Variants in SNX30 observed in about 807,000 individuals in gnomAD.
The protein encoded by SNX30 is sorting nexin family member 30, also known as sorting nexin-30.
A neutral mutation model predicts 46.4 loss-of-function variants in SNX30; 24 were observed. The observed-to-expected ratio is 0.52, with a 90% CI of 0.37 to 0.73. The LOEUF is 0.73. Among genes scored for constraint, SNX30 ranks in the 30% least tolerant of loss-of-function variants. SNX30 has a pLI of 0.00. For missense variants in SNX30, 533 were observed against 555.7 expected (o/e 0.96, Z 0.41); for synonymous variants, 189 against 211.5 (o/e 0.89, Z 0.92).
downstream of SNX30, chr9:112,879,596 C>A: frequency 1.7e-6 from 1 of 594,156 alleles, no homozygotes; most frequent in Non-Finnish European, 3.0e-6. Context: ...TTTCCCCATC[C>A]ACCAGGGATC....
chr9:112,783,766 A>G (rs1368637050), intron 1 of SNX30, among the ~76,000 whole-genome samples: 1 of 152,184 alleles, frequency 6.6e-6, no homozygotes, highest in Non-Finnish European at 1.5e-5. Context: ...AAGATTCCCC[A>G]TGTCAGTTTC....
intron 1 of SNX30, among the ~76,000 whole-genome samples, chr9:112,759,303 C>T (rs993768804): frequency 6.6e-6 from 1 of 152,170 alleles, no homozygotes; most frequent in Non-Finnish European, 1.5e-5. Context: ...CTTCAGGGTC[C>T]TCAGTGATCT....
chr9:112,865,756 T>C (rs1323334529), intron 8 of SNX30, among the ~76,000 whole-genome samples: 2 of 146,784 alleles, frequency 1.4e-5, no homozygotes, highest in Non-Finnish European at 3.0e-5. Context: ...TGTGTGTGTG[T>C]GTGTATGTAT....
intron 3 of SNX30, among the ~76,000 whole-genome samples, chr9:112,825,060 G>T (rs1487775773): frequency 6.6e-6 from 1 of 152,198 alleles, no homozygotes. Flanking sequence ...GGTTGTCTAA[G>T]ATTTTGTTTG....
intron 1 of SNX30, among the ~76,000 whole-genome samples, chr9:112,804,357 G>C (rs573724994): frequency 4.8e-4 from 73 of 152,294 alleles, no homozygotes; most frequent in Non-Finnish European, 9.0e-4. Flanking sequence ...TAGAGACGGG[G>C]TTTCACCATG....
At chr9:112,798,115 T>A (rs1840141292) in intron 1 of SNX30, among the ~76,000 whole-genome samples, 1 of 63,364 alleles carries the variant, frequency 1.6e-5, no homozygotes. Context: ...TTGTTTTTTT[T>A]TTTTTCTTTT....
intron 1 of SNX30, among the ~76,000 whole-genome samples, chr9:112,752,209 G>C (rs1376777957): frequency 6.6e-6 from 1 of 152,216 alleles, no homozygotes; most frequent in African/African-American, 2.4e-5. Flanking sequence ...CTTGCAGTCA[G>C]AAGGTCACTG....
intron 2 of SNX30, among the ~76,000 whole-genome samples, chr9:112,810,755 C>G (rs1169702609): frequency 6.6e-6 from 1 of 152,104 alleles, no homozygotes; most frequent in African/African-American, 2.4e-5. Flanking sequence ...TGAGAGCCAG[C>G]TGCTTGAATC....
chr9:112,850,774 G>GT, intron 6 of SNX30, 85 bp from the exon 7 acceptor site: 1 of 989,958 alleles, frequency 1.0e-6, no homozygotes, highest in Non-Finnish European at 1.6e-6. Context: ...TTGGGGAGGC[G>GT]TGGGGGAAAA....
intron 8 of SNX30, among the ~76,000 whole-genome samples, chr9:112,866,933 ACCTCCTCAGAATTCCTCCTC>A (rs1564297850): frequency 1.3e-3 from 31 of 23,776 alleles, no homozygotes; most frequent in South Asian, 3.0e-3. Context: ...AACTCCTCCC[ACCTCCTCAGAATTCCTCCTC>A]CCTCCTCAGA....
intron 1 of SNX30, among the ~76,000 whole-genome samples, chr9:112,787,181 C>T (rs1217578475): frequency 6.6e-6 from 1 of 152,142 alleles, no homozygotes; most frequent in African/African-American, 2.4e-5. Flanking sequence ...CGAAAAGTTC[C>T]ACGGAAAAAC....
chr9:112,751,260 G>T (rs1839271642), intron 1 of SNX30, 103 bp downstream of exon 1: 4 of 1,246,800 alleles, frequency 3.2e-6, no homozygotes, highest in Non-Finnish European at 4.1e-6. Context: ...CCACCCTGCC[G>T]CCCCTTCCCG....
At chr9:112,817,853 C>CCT (rs754958459) in intron 3 of SNX30, 38 bp downstream of exon 3, 1 of 1,370,432 alleles carries the variant, frequency 7.3e-7, no homozygotes, top group South Asian at 1.2e-5. Context: ...TCTCACTTGT[C>CCT]CTGTGTTGTC....
At chr9:112,834,858 AC>A (rs1840724591) in intron 4 of SNX30, among the ~76,000 whole-genome samples, 1 of 87,144 alleles carries the variant, frequency 1.1e-5, no homozygotes, top group Non-Finnish European at 3.0e-5. Context: ...ACACACACAC[AC>A]ACACACACAC....
intron 6 of SNX30, among the ~76,000 whole-genome samples, chr9:112,848,034 G>A (rs1840966021): frequency 6.6e-6 from 1 of 152,208 alleles, no homozygotes; most frequent in Non-Finnish European, 1.5e-5. Context: ...ATGTATGAAG[G>A]CAGGGCAGAA....
At chr9:112,784,786 C>T (rs1839895065) in intron 1 of SNX30, among the ~76,000 whole-genome samples, 1 of 152,148 alleles carries the variant, frequency 6.6e-6, no homozygotes, top group African/African-American at 2.4e-5. Context: ...TCCTGCCAAG[C>T]CCAGGTCAAA....
chr9:112,818,732 G>T (rs1588126687), intron 3 of SNX30, among the ~76,000 whole-genome samples: 1 of 152,042 alleles, frequency 6.6e-6, no homozygotes, highest in African/African-American at 2.4e-5. Flanking sequence ...TGTTACTACC[G>T]CATCTCCCAG....
downstream of SNX30, chr9:112,879,823 TA>T (rs1179090156): frequency 3.7e-6 from 6 of 1,612,298 alleles, no homozygotes; most frequent in Non-Finnish European, 5.1e-6. Flanking sequence ...CACGATGCTG[TA>T]AGAATTGACC....
intron 6 of SNX30, among the ~76,000 whole-genome samples, chr9:112,846,723 G>A (rs192016173): frequency 8.5e-5 from 13 of 152,246 alleles, no homozygotes; most frequent in Admixed American, 8.5e-4. Context: ...CTCTGTGGGG[G>A]GTGAGCTGCT....
Sources: allele counts gnomAD v4.1 joint callset (sites outside exome capture counted in the v4.1 genomes callset), GRCh38; gene constraint gnomAD v4.1.1; transcripts MANE v1.5; gene names NCBI Gene and HGNC (gene_info 2026-07-23, HGNC 2026-07-21).